The following CCDC57 variants were observed in gnomAD, a reference collection of about 807,000 sequenced individuals.
The protein encoded by CCDC57 is coiled-coil domain containing 57, also known as coiled-coil domain-containing protein 57.
Under a neutral mutation model 118.9 loss-of-function variants are expected in CCDC57, and 118 were observed. The observed-to-expected ratio is 0.99, with a 90% CI of 0.86 to 1.16. The LOEUF is 1.16. Among genes scored for constraint, CCDC57 ranks in the 50% most tolerant of loss-of-function variants. The pLI is 0.00. For synonymous variants in CCDC57, 527 were observed against 532.9 expected, an observed-to-expected ratio of 0.99 and a Z score of 0.15; for missense variants, 1,300 against 1,320.7, an observed-to-expected ratio of 0.98 and a Z score of 0.24.
chr17:82,102,313 G>A (rs1421354426), intron 19 of CCDC57, among the ~76,000 whole-genome samples: 4 of 152,220 alleles, frequency 2.6e-5, no homozygotes, highest in African/African-American at 7.2e-5. Flanking sequence ...CCGCCTCCCC[G>A]ATGGGCCAGC....
intron 3 of CCDC57, among the ~76,000 whole-genome samples, chr17:82,201,008 C>G (rs940195866): frequency 6.6e-6 from 1 of 152,104 alleles, no homozygotes; most frequent in Non-Finnish European, 1.5e-5. Flanking sequence ...ATCAGAGAAG[C>G]CTGTCCTCCT....
chr17:82,149,590 G>A (rs1476203453), intron 16 of CCDC57, among the ~76,000 whole-genome samples: 2 of 152,122 alleles, frequency 1.3e-5, no homozygotes, highest in Non-Finnish European at 2.9e-5. Context: ...GGTCCCCAGA[G>A]CGCCCGCAGC....
chr17:82,107,481 T>C, intron 19 of CCDC57: 2 of 470,518 alleles, frequency 4.3e-6, no homozygotes, highest in South Asian at 3.1e-5. Context: ...GGGGCGAGGT[T>C]AGCATCAGGG....
chr17:82,160,267 G>C (rs2146024520), intron 14 of CCDC57: 1 of 152,494 alleles, frequency 6.6e-6, no homozygotes, highest in South Asian at 2.1e-4. Flanking sequence ...ATGATCAACA[G>C]GACTGGATCA....
intron 10 of CCDC57, 25 bp downstream of exon 9, chr17:82,178,995 AGAAGGCC>A: frequency 6.2e-7 from 1 of 1,605,736 alleles, no homozygotes; most frequent in Non-Finnish European, 8.5e-7. Context: ...AGAGACGCCG[AGAAGGCC>A]CCAGGCCCTG....
intron 16 of CCDC57, among the ~76,000 whole-genome samples, chr17:82,150,879 A>C (rs1270658139): frequency 9.8e-6 from 1 of 102,034 alleles, no homozygotes; most frequent in African/African-American, 3.7e-5. Flanking sequence ...CCTGGTGCAC[A>C]CCCAGAACCT....
At chr17:82,169,667 C>A (rs551854114) in intron 13 of CCDC57, among the ~76,000 whole-genome samples, 45 of 152,246 alleles carry the variant, frequency 3.0e-4, no homozygotes, top group African/African-American at 1.1e-3. Context: ...GGGGCCACAG[C>A]AGCAATGGGG....
intron 19 of CCDC57, among the ~76,000 whole-genome samples, chr17:82,108,331 G>C (rs146585695): frequency 1.1e-3 from 169 of 152,334 alleles, no homozygotes; most frequent in Admixed American, 1.8e-3. Flanking sequence ...TCTGTGGACA[G>C]CCGGGCTGTT....
exon 20 of CCDC57, chr17:82,101,822 G>T: frequency 6.3e-7 from 1 of 1,593,334 alleles, no homozygotes; most frequent in South Asian, 1.1e-5. Context: ...ATGCCTGCCT[G>T]CATCTTGACG....
intron 3 of CCDC57, among the ~76,000 whole-genome samples, chr17:82,200,394 G>A (rs544708407): frequency 4.6e-5 from 7 of 152,312 alleles, no homozygotes; most frequent in African/African-American, 1.4e-4. Flanking sequence ...TGCCCGTGGC[G>A]GCTTTCACTT....
At chr17:82,147,332 GGATA>G (rs144748663) in intron 16 of CCDC57, among the ~76,000 whole-genome samples, 50 of 151,324 alleles carry the variant, frequency 3.3e-4, no homozygotes, top group African/African-American at 1.0e-3. Context: ...ATGGGCGGAT[GGATA>G]GATGGATGGG....
chr17:82,116,500 G>A (rs574143007), intron 19 of CCDC57, among the ~76,000 whole-genome samples: 43 of 151,830 alleles, frequency 2.8e-4, no homozygotes, highest in Non-Finnish European at 4.1e-4. Flanking sequence ...CAGCACAGCC[G>A]AATTCCTCAG....
chr17:82,140,707 C>A (rs1341940568), intron 16 of CCDC57, among the ~76,000 whole-genome samples: 1 of 152,192 alleles, frequency 6.6e-6, no homozygotes, highest in Non-Finnish European at 1.5e-5. Flanking sequence ...TGAGAAGACG[C>A]CCATTTAGTC....
chr17:82,105,568 G>A (rs2144871060), intron 19 of CCDC57, among the ~76,000 whole-genome samples: 1 of 152,206 alleles, frequency 6.6e-6, no homozygotes, highest in East Asian at 1.9e-4. Flanking sequence ...TCCCCAGCCT[G>A]CGTCAACCCT....
intron 13 of CCDC57, among the ~76,000 whole-genome samples, chr17:82,169,110 A>T (rs2044350419): frequency 6.6e-6 from 1 of 152,080 alleles, no homozygotes; most frequent in Non-Finnish European, 1.5e-5. Context: ...AAGAAAAATA[A>T]AACCTCCCTT....
chr17:82,128,671 C>T lies in CCDC57; in HGVS notation c.2578-74G>A, dbSNP rs573092432. 118 of 1,219,768 alleles carry T rather than the reference C, an allele frequency of 9.7e-5. No homozygotes were observed. The African/African-American group carries it at 1.7e-3, about 17-fold the overall frequency. The allele number at this position is 1,219,768 out of a possible 1,614,324, so 75.6% of individuals were successfully genotyped here. On this transcript the variant is annotated intron_variant, in intron 17 of 19. Coordinates refer to ENST00000665763, the Ensembl canonical transcript of CCDC57. ...TGGTGCATGTCAGTGAGTTTTCCCA[C>T]AAGATTGGGAAGAAATGCCTTCCCA...
At chr17:82,135,522 A>C (rs1452049672) in intron 16 of CCDC57, 2 of 152,192 alleles carry the variant, frequency 1.3e-5, no homozygotes, top group African/African-American at 4.8e-5. Flanking sequence ...GGACATCCCG[A>C]GATGGGCCCT....
chr17:82,145,308 A>G (rs1300384845), intron 16 of CCDC57, among the ~76,000 whole-genome samples: 1 of 139,564 alleles, frequency 7.2e-6, no homozygotes, highest in Admixed American at 7.2e-5. Flanking sequence ...GCACTTTGGG[A>G]GGCTGAGGTG....
chr17:82,205,650 C>T (rs2049533801), intron 2 of CCDC57, among the ~76,000 whole-genome samples: 1 of 152,166 alleles, frequency 6.6e-6, no homozygotes, highest in African/African-American at 2.4e-5. Context: ...ACCCTGTTTT[C>T]AAAAGCTTCA....
Sources: allele counts gnomAD v4.1 joint callset (sites outside exome capture counted in the v4.1 genomes callset), GRCh38; gene constraint gnomAD v4.1.1; transcripts MANE v1.5; gene names NCBI Gene and HGNC (gene_info 2026-07-23, HGNC 2026-07-21).